The following GPR158 variants were observed in gnomAD, a reference collection of about 807,000 sequenced individuals.
GPR158 encodes G protein-coupled receptor 158.
Under a neutral mutation model 78.2 loss-of-function variants are expected in GPR158, and 30 were observed. That is an observed-to-expected ratio of 0.38 (90% CI 0.29 to 0.52). The LOEUF (loss-of-function observed/expected upper bound fraction) is 0.52, where lower values mean the gene tolerates loss of function less well. Among genes scored for constraint, GPR158 ranks in the 20% least tolerant of loss-of-function variants. The pLI, the probability that GPR158 is intolerant of heterozygous loss-of-function variation, is 0.83. For synonymous variants in GPR158, 581 were observed against 591.1 expected, an observed-to-expected ratio of 0.98 and a Z score of 0.25; for missense variants, 1,463 against 1,523.5, an observed-to-expected ratio of 0.96 and a Z score of 0.66.
intron 4 of GPR158, among the ~76,000 whole-genome samples, chr10:25,419,168 C>G (rs998929908): frequency 2.0e-5 from 3 of 152,010 alleles, no homozygotes; most frequent in Non-Finnish European, 2.9e-5. Context: ...ATTTTTCTAT[C>G]CCTTGGTAAC....
At chr10:25,270,526 C>T (rs963839773) in intron 2 of GPR158, among the ~76,000 whole-genome samples, 1 of 152,070 alleles carries the variant, frequency 6.6e-6, no homozygotes, top group African/African-American at 2.4e-5. Context: ...TTTTGGCTGT[C>T]CCAAAGGCAC....
At chr10:25,523,243 G>T (rs1393619018) in intron 5 of GPR158, among the ~76,000 whole-genome samples, 1 of 152,228 alleles carries the variant, frequency 6.6e-6, no homozygotes, top group Non-Finnish European at 1.5e-5. Flanking sequence ...AAGTCCTGTG[G>T]ATCCAGGGGT....
intron 8 of GPR158, 42 bp from the exon 9 acceptor site, chr10:25,594,250 A>T: frequency 1.0e-6 from 1 of 967,878 alleles, no homozygotes; most frequent in Non-Finnish European, 1.7e-6. Context: ...TCTAAGTAGA[A>T]TCTTAATCTT....
chr10:25,470,536 G>A (rs1325779005), intron 5 of GPR158, among the ~76,000 whole-genome samples: 1 of 152,126 alleles, frequency 6.6e-6, no homozygotes. Flanking sequence ...TGTTATAGCA[G>A]CACAAACAGA....
At chr10:25,395,126 G>A (rs557084228) in intron 2 of GPR158, among the ~76,000 whole-genome samples, 53 of 152,248 alleles carry the variant, frequency 3.5e-4, no homozygotes, top group African/African-American at 1.3e-3. Flanking sequence ...CAAAAATGAA[G>A]TAGGTTAAGC....
chr10:25,340,556 G>T (rs1205083355), intron 2 of GPR158, among the ~76,000 whole-genome samples: 1 of 152,016 alleles, frequency 6.6e-6, no homozygotes, highest in Non-Finnish European at 1.5e-5. Context: ...GGATAGTCTA[G>T]AAGAGAAAAA....
chr10:25,365,415 A>G (rs1855706630), intron 2 of GPR158, among the ~76,000 whole-genome samples: 1 of 151,704 alleles, frequency 6.6e-6, no homozygotes, highest in Non-Finnish European at 1.5e-5. Context: ...TTGATTTGCT[A>G]ATTAGTATTG....
At chr10:25,301,744 C>T (rs992794795) in intron 2 of GPR158, among the ~76,000 whole-genome samples, 5 of 152,010 alleles carry the variant, frequency 3.3e-5, no homozygotes, top group South Asian at 4.2e-4. Context: ...TCAACTTTGT[C>T]GAGGGATAGT....
chr10:25,248,493 A>C (rs1173692554), intron 2 of GPR158, among the ~76,000 whole-genome samples: 7 of 150,026 alleles, frequency 4.7e-5, no homozygotes, highest in East Asian at 3.9e-4. Flanking sequence ...ATTTTTGTAT[A>C]AGGTGTAAGG....
At chr10:25,307,300 C>T (rs748063580) in intron 2 of GPR158, among the ~76,000 whole-genome samples, 27 of 150,070 alleles carry the variant, frequency 1.8e-4, no homozygotes, top group Admixed American at 3.3e-4. Flanking sequence ...GAAATGCTGA[C>T]ACACACACAC....
chr10:25,377,616 G>A (rs945098437), intron 2 of GPR158, among the ~76,000 whole-genome samples: 2 of 151,946 alleles, frequency 1.3e-5, no homozygotes, highest in Non-Finnish European at 2.9e-5. Flanking sequence ...TTTTATATAA[G>A]TGAAATCATA....
In GPR158 at chr10:25,284,219, C is replaced by T. The variant is rs191974544; in HGVS notation, c.1008+63062C>T. On this transcript the variant is annotated intron_variant, in intron 2 of 10. Transcript: ENST00000376351. ...GTTTCTGTGTGAGGAGTCTTGAAGT[C>T]TCCAGCTACAAGTGTGGGTTTGTCT... Among the ~76,000 whole-genome samples the T allele has an allele frequency of 3.5e-3, 539 of 152,144 alleles. 2 individuals carry two copies. Among genetic ancestry groups the T allele is most frequent in the African/African-American group, 0.013 (525 of 41,528 alleles).
intron 2 of GPR158, among the ~76,000 whole-genome samples, chr10:25,373,430 CTG>C (rs1437325678): frequency 6.6e-6 from 1 of 151,884 alleles, no homozygotes; most frequent in Non-Finnish European, 1.5e-5. Flanking sequence ...AAATATGTGT[CTG>C]TAATAATTAT....
At chr10:25,469,504 G>A (rs1487227672) in intron 5 of GPR158, among the ~76,000 whole-genome samples, 3 of 151,940 alleles carry the variant, frequency 2.0e-5, no homozygotes, top group Non-Finnish European at 4.4e-5. Context: ...AGCAAGAATC[G>A]GCCGGGCCTG....
chr10:25,285,592 C>G (rs937841647), intron 2 of GPR158, among the ~76,000 whole-genome samples: 9 of 152,130 alleles, frequency 5.9e-5, no homozygotes, highest in Non-Finnish European at 1.2e-4. Context: ...GCAGATAGAT[C>G]AACACATTTG....
chr10:25,175,706 C>A lies in GPR158; in HGVS notation c.286C>A (p.Arg96=), dbSNP rs775003956. The change falls in exon 1 of 11, where the codon CGA becomes AGA. Residue 96 remains arginine, a synonymous_variant. Coordinates refer to ENST00000376351, the MANE Select transcript of GPR158 (RefSeq NM_020752.3). The surrounding 1 kb of genome is among the most constrained non-coding windows in gnomAD (Gnocchi z 6.4). ...LYTGDSHQLK[R]ANCSGRYELA... ...CACCGGGGACTCCCACCAGCTGAAG[C>A]GAGCCAACTGCTCCGGCCGCTACGA... The A allele has an allele frequency of 6.2e-7, 1 of 1,611,724 alleles. No individual in the cohort carries two copies. The highest frequency in any genetic ancestry group is 1.1e-5 in the South Asian group (1 of 91,080).
At chr10:25,453,436 CATCTT>C (rs1484744723) in intron 4 of GPR158, among the ~76,000 whole-genome samples, 1 of 152,100 alleles carries the variant, frequency 6.6e-6, no homozygotes, top group African/African-American at 2.4e-5. Flanking sequence ...TGTGAGGTGA[CATCTT>C]ATGGTAGTTT....
In GPR158 at chr10:25,378,927, C is replaced by T. The variant is rs182537020; in HGVS notation, c.1009-16984C>T. ...CTACTTCAGCCCCGAGTAGCTGGAACGACAGACATGTACTACTACACCTTG... is the reference window on the plus strand; with the variant it reads ...CTACTTCAGCCCCGAGTAGCTGGAATGACAGACATGTACTACTACACCTTG... On this transcript the variant is annotated intron_variant, in intron 2 of 10. Coordinates refer to ENST00000376351, the MANE Select transcript of GPR158 (RefSeq NM_020752.3). Among the ~76,000 whole-genome samples, 18 of 152,090 alleles carry T rather than the reference C, an allele frequency of 1.2e-4. 1 individual carries two copies. In the East Asian group the frequency reaches 2.5e-3, roughly 21 times the overall value.
chr10:25,342,057 T>A (rs534129707), intron 2 of GPR158, among the ~76,000 whole-genome samples: 34 of 152,098 alleles, frequency 2.2e-4, no homozygotes, highest in African/African-American at 8.2e-4. Context: ...TATACCTTCA[T>A]ATCTTCTTAA....
Sources: allele counts gnomAD v4.1 joint callset (sites outside exome capture counted in the v4.1 genomes callset), GRCh38; gene constraint gnomAD v4.1.1; non-coding constraint Gnocchi (gnomAD v3.1); transcripts MANE v1.5; gene names NCBI Gene and HGNC (gene_info 2026-07-23, HGNC 2026-07-21).